SAMD4A: variants seen among roughly 807,000 people sequenced by gnomAD.
SAMD4A encodes sterile alpha motif domain containing 4A.
In SAMD4A, 33 loss-of-function variants were observed where a neutral mutation model predicts 81.3. The observed-to-expected ratio is 0.41, with a 90% confidence interval of 0.31 to 0.54. The LOEUF (loss-of-function observed/expected upper bound fraction) is 0.54. Ranked by LOEUF, SAMD4A falls within the 20% of genes least tolerant of loss-of-function variation. The pLI, the probability that SAMD4A is intolerant of heterozygous loss-of-function variation, is 0.37. For missense variants in SAMD4A, 854 were observed against 951.1 expected (o/e 0.90, Z 1.34); for synonymous variants, 389 against 382.1 (o/e 1.02, Z -0.21).
At chr14:54,566,196 G>A (rs984282104), upstream of SAMD4A, among the ~76,000 whole-genome samples, 3 of 151,336 alleles carry the variant, frequency 2.0e-5, no homozygotes, top group African/African-American at 7.3e-5. Context: ...CGCGCCGCCC[G>A]CCCCGACGGC....
At chr14:54,573,916 G>A (rs984611295) in intron 2 of SAMD4A, among the ~76,000 whole-genome samples, 28 of 152,192 alleles carry the variant, frequency 1.8e-4, no homozygotes, top group African/African-American at 6.8e-4. Context: ...GAACCCGGAA[G>A]CTCATTCTAT....
At chr14:54,611,752 C>A (rs1366986316) in intron 2 of SAMD4A, among the ~76,000 whole-genome samples, 3 of 151,992 alleles carry the variant, frequency 2.0e-5, no homozygotes, top group Non-Finnish European at 4.4e-5. Flanking sequence ...TGGCAAATGC[C>A]TGTAATCCCA....
chr14:54,670,197 C>T (rs1438045689), intron 2 of SAMD4A, among the ~76,000 whole-genome samples: 1 of 152,180 alleles, frequency 6.6e-6, no homozygotes, highest in Non-Finnish European at 1.5e-5. Context: ...ATCTGCACCA[C>T]CCTCTTGTAA....
intron 11 of SAMD4A, among the ~76,000 whole-genome samples, chr14:54,783,622 T>G (rs745333197): frequency 6.6e-6 from 1 of 152,230 alleles, no homozygotes; most frequent in Non-Finnish European, 1.5e-5. Context: ...GTGTTGACAG[T>G]TACCTGCAGT....
intron 2 of SAMD4A, chr14:54,694,864 GA>G: frequency 1.0e-6 from 1 of 985,546 alleles, no homozygotes; most frequent in Non-Finnish European, 1.2e-6. Flanking sequence ...GGTACCTGGG[GA>G]AAAAGTAACT....
At chr14:54,747,079 A>G (rs563209174) in intron 4 of SAMD4A, among the ~76,000 whole-genome samples, 13 of 152,332 alleles carry the variant, frequency 8.5e-5, no homozygotes, top group African/African-American at 1.9e-4. Flanking sequence ...TCCAACTGCA[A>G]TTTGAGTGAG....
chr14:54,683,136 G>A (rs1400450958), intron 2 of SAMD4A, among the ~76,000 whole-genome samples: 2 of 152,208 alleles, frequency 1.3e-5, no homozygotes. Context: ...CCAAAGGAGG[G>A]CCACCATCTC....
chr14:54,730,212 A>G (rs976199043), intron 3 of SAMD4A, among the ~76,000 whole-genome samples: 3 of 152,202 alleles, frequency 2.0e-5, no homozygotes, highest in African/African-American at 7.2e-5. Flanking sequence ...GTACTAGGAA[A>G]GCCTCCCCAT....
intron 2 of SAMD4A, among the ~76,000 whole-genome samples, chr14:54,644,746 A>G (rs2035249468): frequency 6.6e-6 from 1 of 152,202 alleles, no homozygotes; most frequent in African/African-American, 2.4e-5. Flanking sequence ...TAAACACATG[A>G]GTGGTGTTGC....
At chr14:54,784,444 G>A (rs1276190792) in intron 11 of SAMD4A, 93 bp from the exon 12 acceptor site, 2 of 1,613,426 alleles carry the variant, frequency 1.2e-6, no homozygotes, top group South Asian at 2.2e-5. Flanking sequence ...GTCCTCCCAG[G>A]GAGGTACACC....
Position 54,784,546 on chromosome 14 carries a change from T to C in SAMD4A, c.2054T>C (p.Leu685Pro). ...CCTTTATCGCCTGCAGAATTCCAGC[T>C]TCCCGTGACCGAACCTGACATCAAC... Reference protein sequence around the residue: ...MLMFQQPEFQLPVTEPDINNR... With the variant: ...MLMFQQPEFQPPVTEPDINNR... The change falls in exon 12 of 13, where the codon CTT becomes CCT. Residue 685 changes from leucine (L) to proline (P), a missense_variant. By Grantham distance (98) the Leu-to-Pro change is moderately conservative. Around this residue, in one of 3 missense-constraint regions of SAMD4A, gnomAD observed 428 missense variants for 471.2 expected, o/e 0.91. Transcript: ENST00000554335. 1 of 1,614,142 alleles carries C rather than the reference T, an allele frequency of 6.2e-7. No homozygotes were observed. The highest frequency in any genetic ancestry group is 1.7e-5 in the Admixed American group (1 of 60,034).
At chr14:54,734,848 A>G (rs1395028165) in intron 3 of SAMD4A, 1 of 152,234 alleles carries the variant, frequency 6.6e-6, no homozygotes, top group Non-Finnish European at 1.5e-5. Context: ...TTACCTATTC[A>G]GTTATGGCCT....
intron 2 of SAMD4A, among the ~76,000 whole-genome samples, chr14:54,648,314 A>T (rs1234314513): frequency 5.3e-5 from 8 of 152,188 alleles, no homozygotes; most frequent in Non-Finnish European, 1.2e-4. Flanking sequence ...GCAGATTGAG[A>T]CTTCAGTGCT....
chr14:54,568,690 C>CAT lies in SAMD4A; in HGVS notation c.196+628_196+629dup, dbSNP rs59190435. ...GAGACTAGTAAAATGACATTTGCAGCATATATATATATATATATATATATA... is the reference window on the plus strand; with the variant it reads ...GAGACTAGTAAAATGACATTTGCAGCATATATATATATATATATATATATATA... On this transcript the variant is annotated intron_variant, in intron 2 of 12. Transcript: ENST00000554335. 3.2e-3 allele frequency among the ~76,000 whole-genome samples: 101 copies of CAT among 31,866 alleles called. 1 individual carries two copies. Among genetic ancestry groups the CAT allele is most frequent in the Non-Finnish European group, 4.1e-3 (73 of 17,738 alleles). The allele number at this position is 31,866 out of a possible 152,430, so 20.9% of individuals were successfully genotyped here. A position where few individuals can be genotyped will look rare whatever the true frequency, so the allele number is the denominator to read the frequency against.
intron 2 of SAMD4A, among the ~76,000 whole-genome samples, chr14:54,608,474 A>G (rs1030937820): frequency 2.2e-4 from 34 of 152,342 alleles, no homozygotes; most frequent in African/African-American, 7.5e-4. Flanking sequence ...ATTGAAAGGA[A>G]ATGGGGCATA....
At chr14:54,732,602 G>T (rs2037585298) in intron 3 of SAMD4A, among the ~76,000 whole-genome samples, 1 of 152,108 alleles carries the variant, frequency 6.6e-6, no homozygotes, top group African/African-American at 2.4e-5. Context: ...TAAATTTAAA[G>T]ATAGCAGAGA....
chr14:54,775,029 G>C lies in SAMD4A; in HGVS notation c.1811G>C (p.Arg604Pro), dbSNP rs374429893. 6.2e-7 allele frequency: 1 copy of C among 1,614,196 alleles called. No homozygotes were observed. The highest frequency in any genetic ancestry group is 8.5e-7 in the Non-Finnish European group (1 of 1,180,026). The change falls in exon 10 of 13, where the codon CGG (arginine) becomes CCG (proline). Residue 604 changes from arginine to proline, a missense_variant. Transcript: ENST00000554335. ...CCGCGCCAGTACCAGATCCCCTCTC[G>C]GAACGTCCCTTCCGCCCGCCTGGGC... Reference protein sequence around the residue: ...RNPRQYQIPSRNVPSARLGLL... With the variant: ...RNPRQYQIPSPNVPSARLGLL...
rs559168518 is a variant in SAMD4A, at chr14:54,664,608, C to A, written c.197-37454C>A. Among the ~76,000 whole-genome samples, 11 of 152,048 alleles carry A rather than the reference C, an allele frequency of 7.2e-5. No individual in the cohort carries two copies. In the South Asian group the frequency reaches 2.3e-3, roughly 32 times the overall value. On this transcript the variant is annotated intron_variant, in intron 2 of 12. Transcript: ENST00000554335. ...CTTCTCTTCCTCCTGTCCCCCACCC[C>A]CTCTCTTCTTCTCTCTCCTTCTTAC...
intron 3 of SAMD4A, among the ~76,000 whole-genome samples, chr14:54,735,641 C>A (rs1011716676): frequency 7.2e-5 from 11 of 152,222 alleles, no homozygotes; most frequent in Non-Finnish European, 1.5e-4. Flanking sequence ...TGACTGCCAG[C>A]TGCCTGGCAG....
Sources: gnomAD v4.1 joint callset for allele counts (sites outside exome capture counted in the v4.1 genomes callset) on GRCh38, gnomAD v4.1.1 for gene constraint, gnomAD v4.1.1 regional missense constraint, MANE v1.5 for transcripts, NCBI Gene and HGNC (gene_info 2026-07-23, HGNC 2026-07-21) for gene names.